The following CALN1 variants were observed in gnomAD, a reference collection of about 807,000 sequenced individuals.
The protein encoded by CALN1 is calneuron 1, also known as calcium-binding protein 8.
Under a neutral mutation model 30.6 loss-of-function variants are expected in CALN1, and 17 were observed. The ratio of observed to expected loss-of-function variants is 0.56; its 90% confidence interval spans 0.38 to 0.83. CALN1 has a LOEUF of 0.83. Among genes scored for constraint, CALN1 ranks in the 40% least tolerant of loss-of-function variants. CALN1 has a pLI of 0.00. For synonymous variants in CALN1, 156 were observed against 131.4 expected (o/e 1.19, Z -1.28); for missense variants, 291 against 354.9 (o/e 0.82, Z 1.45).
chr7:72,240,623 C>T (rs1365985901), intron 3 of CALN1, among the ~76,000 whole-genome samples: 1 of 152,204 alleles, frequency 6.6e-6, no homozygotes, highest in Non-Finnish European at 1.5e-5. Flanking sequence ...TCTAAACTGC[C>T]ATTCTCTGTT....
intron 1 of CALN1, among the ~76,000 whole-genome samples, chr7:72,410,473 C>G (rs1345758648): frequency 6.6e-6 from 1 of 152,154 alleles, no homozygotes; most frequent in Non-Finnish European, 1.5e-5. Flanking sequence ...CCTATCTCTG[C>G]CCAAAACCAA....
intron 5 of CALN1, among the ~76,000 whole-genome samples, chr7:71,975,141 C>T (rs900329162): frequency 2.0e-5 from 3 of 152,110 alleles, no homozygotes; most frequent in Non-Finnish European, 2.9e-5. Flanking sequence ...TCTGGGCAAA[C>T]CCATCCCAGC....
chr7:71,851,208 A>ACAC (rs1790619911), intron 5 of CALN1, among the ~76,000 whole-genome samples: 1 of 132,098 alleles, frequency 7.6e-6, no homozygotes, highest in Non-Finnish European at 1.6e-5. Flanking sequence ...CCTTGTCTCA[A>ACAC]ACACACACAC....
chr7:72,329,836 T>C (rs1485027390), intron 2 of CALN1, among the ~76,000 whole-genome samples: 1 of 150,628 alleles, frequency 6.6e-6, no homozygotes, highest in African/African-American at 2.4e-5. Flanking sequence ...CACCTGTAAT[T>C]CCAGCTATTC....
intron 2 of CALN1, among the ~76,000 whole-genome samples, chr7:72,329,130 T>C (rs1036456080): frequency 2.6e-5 from 4 of 152,268 alleles, no homozygotes; most frequent in African/African-American, 9.6e-5. Flanking sequence ...ATTTCCATTG[T>C]TCTTCTGTAC....
intron 2 of CALN1, among the ~76,000 whole-genome samples, chr7:72,334,827 GAACAGCTTCTCAGTA>G (rs1406509185): frequency 6.6e-6 from 1 of 152,176 alleles, no homozygotes; most frequent in East Asian, 1.9e-4. Flanking sequence ...CACCATTGTA[GAACAGCTTCTCAGTA>G]AACAGCTTCA....
chr7:72,205,815 ATATTT>A (rs1791835823), intron 3 of CALN1, among the ~76,000 whole-genome samples: 1 of 151,792 alleles, frequency 6.6e-6, no homozygotes, highest in South Asian at 2.1e-4. Flanking sequence ...TTCATATTTT[ATATTT>A]AACTCTTTAA....
chr7:72,099,273 CTTTTTT>C (rs386359911), intron 4 of CALN1, among the ~76,000 whole-genome samples: 6 of 125,322 alleles, frequency 4.8e-5, no homozygotes, highest in Admixed American at 8.0e-5. Flanking sequence ...CCAAACACTC[CTTTTTT>C]TTTTTTTTTT....
chr7:72,370,406 T>G (rs897845851), intron 2 of CALN1, among the ~76,000 whole-genome samples: 1 of 152,060 alleles, frequency 6.6e-6, no homozygotes, highest in African/African-American at 2.4e-5. Flanking sequence ...GACATGTGAT[T>G]GACTTTGGGA....
At chr7:72,039,203 T>A (rs1267539097) in intron 4 of CALN1, among the ~76,000 whole-genome samples, 3 of 152,216 alleles carry the variant, frequency 2.0e-5, no homozygotes, top group Admixed American at 1.3e-4. Context: ...AATTCAGTTG[T>A]TCGTATCTAG....
At chr7:72,474,524 C>G in the CALN1 span, among the ~76,000 whole-genome samples, 1 of 151,890 alleles carries the variant, frequency 6.6e-6, no homozygotes, top group African/African-American at 2.4e-5. Context: ...TGTCTCTACA[C>G]GAAATACAAA....
chr7:71,857,386 G>T (rs904212227), intron 5 of CALN1, among the ~76,000 whole-genome samples: 1 of 152,150 alleles, frequency 6.6e-6, no homozygotes, highest in African/African-American at 2.4e-5. Flanking sequence ...AGACCCTTGT[G>T]AAGTGGGAAT....
chr7:72,402,592 C>T (rs902165790), intron 2 of CALN1, among the ~76,000 whole-genome samples: 2 of 152,154 alleles, frequency 1.3e-5, no homozygotes, highest in Non-Finnish European at 1.5e-5. Flanking sequence ...AGTTGAAATT[C>T]CTCTTGAGTT....
intron 5 of CALN1, among the ~76,000 whole-genome samples, chr7:71,902,700 G>A (rs1425400549): frequency 6.6e-6 from 1 of 152,140 alleles, no homozygotes; most frequent in Non-Finnish European, 1.5e-5. Context: ...ATTCTTGTAT[G>A]TTTATTGCAG....
intron 1 of CALN1, among the ~76,000 whole-genome samples, chr7:72,411,648 C>T (rs1363667004): frequency 6.6e-6 from 1 of 152,196 alleles, no homozygotes; most frequent in East Asian, 1.9e-4. Flanking sequence ...TACGAAAAGT[C>T]TTGTCAGGCC....
At chr7:72,425,335 A>G (rs1311761043) in intron 1 of CALN1, among the ~76,000 whole-genome samples, 1 of 152,122 alleles carries the variant, frequency 6.6e-6, no homozygotes, top group African/African-American at 2.4e-5. Flanking sequence ...GCTGGTCTCA[A>G]ACTCCTGACC....
chr7:72,054,599 T>C (rs546705085), intron 4 of CALN1, among the ~76,000 whole-genome samples: 1 of 149,870 alleles, frequency 6.7e-6, no homozygotes, highest in South Asian at 2.1e-4. Context: ...AATGAGATCA[T>C]GTCTTTTGCA....
chr7:71,784,484 T>A lies in CALN1; in HGVS notation c.*3291A>T, dbSNP rs1472296764. The A allele has an allele frequency of 4.2e-6, 1 of 238,440 alleles. No homozygotes were observed. The highest frequency in any genetic ancestry group is 8.0e-6 in the Non-Finnish European group (1 of 124,372). 14.8% of individuals were successfully genotyped at this position (238,440 alleles called of 1,614,324 possible). On this transcript the variant is annotated 3_prime_UTR_variant, in exon 7 of 7. Coordinates refer to ENST00000395275, the MANE Select transcript of CALN1 (RefSeq NM_031468.4). Reference sequence around the variant, plus strand: ...GGACCCAAGCACATTCTGGAAGCCATTGCTAATAGTCCCGATGCTAGATTC... The same window carrying A: ...GGACCCAAGCACATTCTGGAAGCCAATGCTAATAGTCCCGATGCTAGATTC...
intron 4 of CALN1, among the ~76,000 whole-genome samples, chr7:72,056,319 T>A (rs1381398842): frequency 6.6e-6 from 1 of 152,036 alleles, no homozygotes; most frequent in East Asian, 1.9e-4. Context: ...TAAAATCTAT[T>A]ATAAAACCAC....
Sources: allele counts gnomAD v4.1 joint callset (sites outside exome capture counted in the v4.1 genomes callset), GRCh38; gene constraint gnomAD v4.1.1; transcripts MANE v1.5; gene names NCBI Gene and HGNC (gene_info 2026-07-23, HGNC 2026-07-21).